Variants in PRDM2 observed in about 807,000 individuals in gnomAD.
PRDM2 encodes the protein PR/SET domain 2.
A neutral mutation model predicts 130.0 loss-of-function variants in PRDM2; 30 were observed. That is an observed-to-expected ratio of 0.23 (90% CI 0.17 to 0.31). The LOEUF is 0.31. PRDM2 is among the 10% of genes least tolerant of loss of function. The pLI is 1.00. For synonymous variants in PRDM2, 871 were observed against 782.4 expected (o/e 1.11, Z -1.89); for missense variants, 2,011 against 2,108.4 (o/e 0.95, Z 0.90).
chr1:13,820,460 G>A (rs908095965), intron 9 of PRDM2, among the ~76,000 whole-genome samples: 5 of 152,178 alleles, frequency 3.3e-5, no homozygotes, highest in South Asian at 2.1e-4. Context: ...CTATAGGGAG[G>A]CTTCCTTTGC....
intron 6 of PRDM2, among the ~76,000 whole-genome samples, chr1:13,766,440 G>T (rs1644228708): frequency 6.6e-6 from 1 of 152,224 alleles, no homozygotes; most frequent in Non-Finnish European, 1.5e-5. Context: ...GTTGGGTTTT[G>T]TAATTATGGT....
In PRDM2 at chr1:13,780,676, C is replaced by T. The variant is rs766265778; in HGVS notation, c.2881C>T (p.Leu961=). 2.5e-6 allele frequency: 4 copies of T among 1,610,792 alleles called. No homozygotes were observed. The highest frequency in any genetic ancestry group is 3.3e-5 in the Admixed American group (2 of 59,804). The change falls in exon 8 of 10, where the codon CTG becomes TTG. Residue 961 remains leucine (L), a synonymous_variant. Transcript: ENST00000311066. The stretch of plus-strand genomic sequence containing the variant: ...GACACCCTCCCTTTCATCCGGTCAG[C>T]TGCCTCCTCTCTTGATCCCCACAGA... ...LQTPSLSSGQ[L]PPLLIPTDPS...
intron 6 of PRDM2, among the ~76,000 whole-genome samples, chr1:13,756,902 C>T (rs910453300): frequency 6.6e-6 from 1 of 152,334 alleles, no homozygotes; most frequent in South Asian, 2.1e-4. Flanking sequence ...GAAACTGATG[C>T]TCCGAGGGGT....
At chr1:13,809,008 G>A (rs2100750434) in intron 8 of PRDM2, among the ~76,000 whole-genome samples, 1 of 152,350 alleles carries the variant, frequency 6.6e-6, no homozygotes, top group South Asian at 2.1e-4. Flanking sequence ...AGATCCTGAT[G>A]TCATGTCCTG....
In PRDM2 at chr1:13,806,786, C is replaced by T. The variant is rs1645092279; in HGVS notation, c.5037-9641C>T. ...CTTTGGGTCATGATATTCCTCTGCC[C>T]AGAAGGACAACTGACTGACACCTCA... On this transcript the variant is annotated intron_variant, in intron 8 of 9. Coordinates refer to ENST00000311066, the MANE Select transcript of PRDM2 (RefSeq NM_001393986.1). This position sits in a 1 kb window ranked among gnomAD's most constrained non-coding sequence, Gnocchi z 4.1. 6.6e-6 allele frequency among the ~76,000 whole-genome samples: 1 copy of T among 152,166 alleles called. No individual in the cohort carries two copies. The highest frequency in any genetic ancestry group is 2.4e-5 in the African/African-American group (1 of 41,414).
intron 8 of PRDM2, among the ~76,000 whole-genome samples, chr1:13,812,701 T>A (rs2245197): frequency 1.1e-3 from 166 of 152,058 alleles, no homozygotes; most frequent in African/African-American, 3.9e-3. Context: ...ACCGAAGTGT[T>A]GACACAGAAG....
intron 1 of PRDM2, among the ~76,000 whole-genome samples, chr1:13,701,543 G>T (rs1642073863): frequency 6.6e-6 from 1 of 152,074 alleles, no homozygotes; most frequent in Non-Finnish European, 1.5e-5. Context: ...TTTTAGTAGG[G>T]TTCTGTGTTT....
chr1:13,802,180 C>T (rs184089463), intron 8 of PRDM2, among the ~76,000 whole-genome samples: 30 of 152,268 alleles, frequency 2.0e-4, no homozygotes, highest in Non-Finnish European at 3.8e-4. Flanking sequence ...GCCATGGTGC[C>T]CTTGGCCTTT....
intron 2 of PRDM2, among the ~76,000 whole-genome samples, chr1:13,727,415 C>T (rs765183695): frequency 6.6e-6 from 1 of 152,022 alleles, no homozygotes; most frequent in Non-Finnish European, 1.5e-5. Context: ...CCACCACGCC[C>T]AGCTAATTTT....
intron 6 of PRDM2, among the ~76,000 whole-genome samples, chr1:13,769,820 G>A (rs188122409): frequency 2.4e-4 from 37 of 152,250 alleles, no homozygotes; most frequent in Admixed American, 2.1e-3. Flanking sequence ...ATAGACCGTC[G>A]AGTGTGATCC....
intron 4 of PRDM2, among the ~76,000 whole-genome samples, chr1:13,738,333 G>T (rs1417057432): frequency 3.9e-5 from 6 of 152,126 alleles, no homozygotes; most frequent in Non-Finnish European, 7.4e-5. Context: ...TACTTATACG[G>T]TTATATGGGA....
chr1:13,801,933 A>C (rs939249245), intron 8 of PRDM2, among the ~76,000 whole-genome samples: 11 of 152,172 alleles, frequency 7.2e-5, no homozygotes, highest in Non-Finnish European at 1.6e-4. Context: ...GATCCTGGGA[A>C]GGTCTGAGCA....
rs148566200 is a variant in PRDM2 at position 13,782,553 on chromosome 1, T to C, written c.4758T>C (p.His1586=). ...SSPIRMAKIT[H]VEGKKPKAVA... ...CGATAAGAATGGCCAAAATAACTCA[T>C]GTTGAGGGGAAAAAACCTAAAGCTG... The change falls in exon 8 of 10, where the codon CAT becomes CAC. Residue 1586 remains histidine, a synonymous_variant. Transcript: ENST00000311066. 2.9e-4 allele frequency: 470 copies of C among 1,614,090 alleles called. 1 individual carries two copies. In the African/African-American group the frequency reaches 5.2e-3, roughly 18 times the overall value.
At chr1:13,799,686 G>A (rs1416419773) in intron 8 of PRDM2, among the ~76,000 whole-genome samples, 2 of 152,180 alleles carry the variant, frequency 1.3e-5, no homozygotes, top group African/African-American at 4.8e-5. Flanking sequence ...CAGCAGCCAA[G>A]TTAAATGCAT....
chr1:13,823,379 C>T lies in PRDM2; in HGVS notation c.*244C>T. 1.6e-6 allele frequency: 1 copy of T among 636,852 alleles called. No homozygotes were observed. Among genetic ancestry groups the T allele is most frequent in the Non-Finnish European group, 2.8e-6 (1 of 350,990 alleles). The allele number at this position is 636,852 out of a possible 1,614,324, so 39.5% of individuals were successfully genotyped here. A position where few individuals can be genotyped will look rare whatever the true frequency, so the allele number is the denominator to read the frequency against. On this transcript the variant is annotated 3_prime_UTR_variant, in exon 10 of 10. Transcript: ENST00000311066. ...GGGGCGGCAGGAAGGGGGCCGACTCCACGCTGTCCTTTGGGATGATACTTG... is the reference window on the plus strand; with the variant it reads ...GGGGCGGCAGGAAGGGGGCCGACTCTACGCTGTCCTTTGGGATGATACTTG...
At chr1:13,768,714 T>C (rs1209964824) in intron 6 of PRDM2, among the ~76,000 whole-genome samples, 1 of 152,214 alleles carries the variant, frequency 6.6e-6, no homozygotes, top group Non-Finnish European at 1.5e-5. Context: ...TTACAGCTAC[T>C]GTAGTCGTGT....
intron 2 of PRDM2, among the ~76,000 whole-genome samples, chr1:13,729,663 C>T (rs953955481): frequency 2.0e-5 from 3 of 152,124 alleles, no homozygotes; most frequent in African/African-American, 7.2e-5. Flanking sequence ...TTTTCTGGGG[C>T]TAATTGGCTA....
rs1645407543 is a variant in PRDM2 at position 13,824,852 on chromosome 1, G to A, written c.*1717G>A. On this transcript the variant is annotated 3_prime_UTR_variant, in exon 10 of 10. Coordinates refer to ENST00000311066, the MANE Select transcript of PRDM2 (RefSeq NM_001393986.1). ...ACCTGCAGCCCATGGTGAGCTCTGG[G>A]AAGTGTGGTTGAGGCCTTGGGGTCA... 6.6e-6 allele frequency: 1 copy of A among 152,648 alleles called. No homozygotes were observed. The highest frequency in any genetic ancestry group is 2.4e-5 in the African/African-American group (1 of 41,454). 9.5% of individuals were successfully genotyped at this position (152,648 alleles called of 1,614,324 possible).
intron 6 of PRDM2, among the ~76,000 whole-genome samples, chr1:13,768,274 G>A (rs922926381): frequency 1.5e-4 from 23 of 151,166 alleles, no homozygotes; most frequent in East Asian, 3.9e-4. Context: ...TAGCAGAGAC[G>A]GGGTTTCACC....
Sources: allele counts gnomAD v4.1 joint callset (sites outside exome capture counted in the v4.1 genomes callset), GRCh38; gene constraint gnomAD v4.1.1; non-coding constraint Gnocchi (gnomAD v3.1); transcripts MANE v1.5; gene names NCBI Gene and HGNC (gene_info 2026-07-23, HGNC 2026-07-21).